Variants in SLC9A3 observed in about 807,000 individuals in gnomAD.
The protein encoded by SLC9A3 is solute carrier family 9 member A3.
Under a neutral mutation model 86.8 loss-of-function variants are expected in SLC9A3, and 37 were observed. The observed-to-expected ratio is 0.43, with a 90% confidence interval of 0.33 to 0.56. The LOEUF is 0.56. Ranked by LOEUF, SLC9A3 falls within the 20% of genes least tolerant of loss-of-function variation. The probability of loss-of-function intolerance (pLI) is 0.06; values close to 1 mark genes in which losing one functional copy is unlikely to be tolerated. For synonymous variants in SLC9A3, 581 were observed against 528.3 expected (o/e 1.10, Z -1.37); for missense variants, 1,011 against 1,171.9 (o/e 0.86, Z 2.00).
intron 14 of SLC9A3, 65 bp downstream of exon 14, chr5:475,955 G>A (rs966539935): frequency 2.7e-5 from 37 of 1,379,310 alleles, no homozygotes; most frequent in Middle Eastern, 4.5e-4. Context: ...TTCCCGAGCC[G>A]GGAGGGCTGG....
Position 473,325 on chromosome 5 carries a change from GGC to G in SLC9A3, c.*52_*53del. 7.1e-7 allele frequency: 1 copy of G among 1,402,174 alleles called. No individual in the cohort carries two copies. Among genetic ancestry groups the G allele is most frequent in the Non-Finnish European group, 9.3e-7 (1 of 1,073,312 alleles). The allele number at this position is 1,402,174 out of a possible 1,614,324, so 86.9% of individuals were successfully genotyped here. A position where few individuals can be genotyped will look rare whatever the true frequency, so the allele number is the denominator to read the frequency against. On this transcript the variant is annotated 3_prime_UTR_variant, in exon 17 of 17. Coordinates refer to ENST00000264938, the MANE Select transcript of SLC9A3 (RefSeq NM_004174.4). The stretch of plus-strand genomic sequence containing the variant: ...CTCTGGGACAGCGGCGGCGGCGGTG[GGC>G]GGACCGTGGCGCGGGGACGAGCGGC...
intron 2 of SLC9A3, among the ~76,000 whole-genome samples, chr5:490,054 C>T (rs1418607360): frequency 2.0e-5 from 3 of 152,244 alleles, no homozygotes; most frequent in African/African-American, 7.2e-5. Context: ...AGGGCTTGGC[C>T]TCTGGTCTGC....
rs1560945426 is a variant in SLC9A3, at chr5:472,835, G to GC, written c.*543_*544insG. ...AGTCAGTCCCCGGGCGCGGGGCTCG[G>GC]TTGGGGGGGCCCGGAACCTTGGGCT... On this transcript the variant is annotated 3_prime_UTR_variant, in exon 17 of 17. Transcript: ENST00000264938. The GC allele has an allele frequency of 2.7e-5, 15 of 546,568 alleles. No homozygotes were observed. Among genetic ancestry groups the GC allele is most frequent in the East Asian group, 4.1e-5 (1 of 24,230 alleles). The allele number at this position is 546,568 out of a possible 1,614,324, so 33.9% of individuals were successfully genotyped here.
chr5:488,288 G>T, intron 3 of SLC9A3, 28 bp downstream of exon 3: 1 of 1,610,282 alleles, frequency 6.2e-7, no homozygotes, highest in Non-Finnish European at 8.5e-7. Context: ...CGGCTCGCCC[G>T]CTCTGGAGCG....
At chr5:476,139 C>T (rs753613784) in intron 13 of SLC9A3, 47 bp from the exon 14 acceptor site, 11 of 1,612,160 alleles carry the variant, frequency 6.8e-6, no homozygotes, top group Non-Finnish European at 9.3e-6. Context: ...CAGCCACACC[C>T]AGCCCTGACT....
chr5:483,514 C>G, intron 5 of SLC9A3, 32 bp from the exon 6 acceptor site: 1 of 1,506,548 alleles, frequency 6.6e-7, no homozygotes, highest in South Asian at 1.2e-5. Flanking sequence ...AGGACACGGC[C>G]ACCTGGCCTG....
chr5:479,739 G>T, intron 10 of SLC9A3, 97 bp downstream of exon 10: 1 of 1,310,114 alleles, frequency 7.6e-7, no homozygotes, highest in Non-Finnish European at 1.1e-6. Context: ...GCCTTGGGAC[G>T]CGGGTGCAGG....
At chr5:486,575 C>T (rs938395603) in intron 3 of SLC9A3, among the ~76,000 whole-genome samples, 10 of 152,168 alleles carry the variant, frequency 6.6e-5, no homozygotes, top group Admixed American at 1.3e-4. Flanking sequence ...CGGGCTCTGC[C>T]GTTAGCACCA....
chr5:512,480 T>A (rs369244594), intron 1 of SLC9A3, among the ~76,000 whole-genome samples: 1 of 144,558 alleles, frequency 6.9e-6, no homozygotes, highest in Non-Finnish European at 1.6e-5. Context: ...GTATCAAGAA[T>A]GAGCCCTAAT....
At chr5:509,893 G>C (rs1186676743) in intron 1 of SLC9A3, among the ~76,000 whole-genome samples, 1 of 152,260 alleles carries the variant, frequency 6.6e-6, no homozygotes, top group South Asian at 2.1e-4. Flanking sequence ...CAAGGCAAAG[G>C]CATCTCAGAG....
In SLC9A3 at chr5:507,290, C is replaced by T. The variant is rs1740638981; in HGVS notation, c.212-15219G>A. ...TCACGCCATTCTCCTGCCTCAGCCT[C>T]CCGAGTAGCTGGGACTACAGGCGCC... On this transcript the variant is annotated intron_variant, in intron 1 of 16. Coordinates refer to ENST00000264938, the MANE Select transcript of SLC9A3 (RefSeq NM_004174.4). Among the ~76,000 whole-genome samples the T allele has an allele frequency of 2.1e-5, 3 of 143,858 alleles. 1 individual carries two copies. Among genetic ancestry groups the T allele is most frequent in the Admixed American group, 1.4e-4 (2 of 14,464 alleles). The allele number at this position is 143,858 out of a possible 152,430, so 94.4% of individuals were successfully genotyped here.
intron 1 of SLC9A3, among the ~76,000 whole-genome samples, chr5:493,307 C>T (rs561261836): frequency 6.6e-6 from 1 of 152,220 alleles, no homozygotes; most frequent in Non-Finnish European, 1.5e-5. Context: ...TGGCCAAGAC[C>T]CCATTTAAGC....
At chr5:473,454 T>G in intron 16 of SLC9A3, 72 bp from the exon 17 acceptor site, 1 of 1,252,198 alleles carries the variant, frequency 8.0e-7, no homozygotes, top group Non-Finnish European at 1.0e-6. Context: ...CCCGGGGGCC[T>G]CAGCTGTCCC....
intron 10 of SLC9A3, 105 bp downstream of exon 10, chr5:479,731 C>T (rs1739032143): frequency 7.9e-7 from 1 of 1,263,512 alleles, no homozygotes; most frequent in African/African-American, 1.5e-5. Flanking sequence ...TGGGCCTGGC[C>T]TTGGGACGCG....
chr5:478,466 CAGGGA>C (rs1314627740), intron 10 of SLC9A3: 2 of 38,834 alleles, frequency 5.2e-5, no homozygotes, highest in African/African-American at 1.7e-4. Flanking sequence ...TGGGGGGGCG[CAGGGA>C]GAGAAAGCAG....
intron 1 of SLC9A3, among the ~76,000 whole-genome samples, chr5:515,027 C>A (rs548597344): frequency 6.6e-6 from 1 of 152,276 alleles, no homozygotes; most frequent in African/African-American, 2.4e-5. Context: ...ACTCAAAGGC[C>A]GCCCTCCAGG....
rs1198712346 is a variant in SLC9A3, at chr5:471,901, G to A, written c.*1478C>T. The A allele has an allele frequency of 1.5e-5, 7 of 456,652 alleles. No homozygotes were observed. The highest frequency in any genetic ancestry group is 3.1e-5 in the Non-Finnish European group (7 of 226,960). 28.3% of individuals were successfully genotyped at this position (456,652 alleles called of 1,614,324 possible). A position where few individuals can be genotyped will look rare whatever the true frequency, so the allele number is the denominator to read the frequency against. On this transcript the variant is annotated 3_prime_UTR_variant, in exon 17 of 17. Transcript: ENST00000264938. ...CAGGGACTCAATGGGGACTCAATGT[G>A]CAATATTCAGTCAACATAAAACTCT...
chr5:488,792 G>T (rs1379612241), intron 2 of SLC9A3, among the ~76,000 whole-genome samples: 1 of 152,224 alleles, frequency 6.6e-6, no homozygotes, highest in Non-Finnish European at 1.5e-5. Context: ...GGAGGGATGG[G>T]GGCCCATCGC....
In SLC9A3 at chr5:488,236, C is replaced by G; in HGVS notation, c.675+80G>C. On this transcript the variant is annotated intron_variant, in intron 3 of 16. Transcript: ENST00000264938. The stretch of plus-strand genomic sequence containing the variant: ...GGACAGGGTTTCACGCCCTCCTTTG[C>G]TGACTGACCGATGGGGGGTGAGACG... 2.6e-6 allele frequency: 4 copies of G among 1,511,792 alleles called. No individual in the cohort carries two copies. The South Asian group carries it at 4.7e-5, about 18-fold the overall frequency. The allele number at this position is 1,511,792 out of a possible 1,614,324, so 93.6% of individuals were successfully genotyped here.
Sources: gnomAD v4.1 joint callset for allele counts (sites outside exome capture counted in the v4.1 genomes callset) on GRCh38, gnomAD v4.1.1 for gene constraint, MANE v1.5 for transcripts, NCBI Gene and HGNC (gene_info 2026-07-23, HGNC 2026-07-21) for gene names.